GRM1: variants seen among roughly 807,000 people sequenced by gnomAD.
The protein encoded by GRM1 is metabotropic glutamate receptor 1.
A neutral mutation model predicts 90.9 loss-of-function variants in GRM1; 33 were observed. The ratio of observed to expected loss-of-function variants is 0.36; its 90% confidence interval spans 0.28 to 0.49. The LOEUF (loss-of-function observed/expected upper bound fraction) is 0.49. Ranked by LOEUF, GRM1 falls within the 20% of genes least tolerant of loss-of-function variation. The probability of loss-of-function intolerance (pLI) is 0.99; values close to 1 mark genes in which losing one functional copy is unlikely to be tolerated. For missense variants in GRM1, 1,190 were observed against 1,534.3 expected (o/e 0.78, Z 3.75); for synonymous variants, 700 against 613.2 (o/e 1.14, Z -2.09).
At chr6:146,094,385 A>G (rs931798685) in intron 1 of GRM1, among the ~76,000 whole-genome samples, 3 of 152,112 alleles carry the variant, frequency 2.0e-5, no homozygotes, top group Non-Finnish European at 2.9e-5. Flanking sequence ...CTACATTAAC[A>G]TGGAACTGAG....
chr6:146,392,666 C>T (rs1316686173), intron 6 of GRM1, among the ~76,000 whole-genome samples: 1 of 152,140 alleles, frequency 6.6e-6, no homozygotes, highest in East Asian at 1.9e-4. Context: ...GGTATTTCTC[C>T]TAAAGCTATC....
intron 2 of GRM1, among the ~76,000 whole-genome samples, chr6:146,288,603 T>G (rs746433347): frequency 3.3e-5 from 5 of 152,080 alleles, no homozygotes; most frequent in African/African-American, 9.7e-5. Flanking sequence ...CCTCCTGGGT[T>G]CAAGCGATTC....
At chr6:146,421,337 T>C (rs1777984151) in intron 7 of GRM1, among the ~76,000 whole-genome samples, 1 of 152,136 alleles carries the variant, frequency 6.6e-6, no homozygotes, top group Non-Finnish European at 1.5e-5. Context: ...GAACTAGAGT[T>C]ATACTCTAGC....
At chr6:146,133,338 A>G (rs888795003) in intron 1 of GRM1, among the ~76,000 whole-genome samples, 1 of 152,226 alleles carries the variant, frequency 6.6e-6, no homozygotes, top group Non-Finnish European at 1.5e-5. Context: ...AAAACTAATG[A>G]TGACTTAATA....
At chr6:146,104,540 TG>T (rs574981659) in intron 1 of GRM1, among the ~76,000 whole-genome samples, 6 of 151,886 alleles carry the variant, frequency 4.0e-5, no homozygotes, top group Non-Finnish European at 7.4e-5. Flanking sequence ...ATGTTTCATA[TG>T]GGGGGGCATT....
chr6:146,437,185 T>C lies in GRM1; in HGVS notation c.*2389T>C, dbSNP rs1469054507. The C allele has an allele frequency of 6.6e-6, 1 of 152,192 alleles. No homozygotes were observed. Among genetic ancestry groups the C allele is most frequent in the Admixed American group, 6.5e-5 (1 of 15,290 alleles). The allele number at this position is 152,192 out of a possible 1,614,324, so 9.4% of individuals were successfully genotyped here. On this transcript the variant is annotated 3_prime_UTR_variant, in exon 8 of 8. Coordinates refer to ENST00000282753, the MANE Select transcript of GRM1 (RefSeq NM_001278064.2). ...GTGAATCATGCTTATTTTTTACTCT[T>C]AATGCCACTAATATACATCCCTAAT...
chr6:146,151,476 C>A (rs1384835175), intron 1 of GRM1, among the ~76,000 whole-genome samples: 1 of 152,058 alleles, frequency 6.6e-6, no homozygotes, highest in Non-Finnish European at 1.5e-5. Context: ...AATATATCCT[C>A]AATATTTTAG....
At chr6:146,165,641 A>C (rs1777879576) in intron 2 of GRM1, among the ~76,000 whole-genome samples, 1 of 152,176 alleles carries the variant, frequency 6.6e-6, no homozygotes, top group African/African-American at 2.4e-5. Flanking sequence ...CAGACAGGCT[A>C]TACTTTTCTT....
intron 3 of GRM1, among the ~76,000 whole-genome samples, chr6:146,342,820 G>A (rs564297016): frequency 1.3e-5 from 2 of 152,302 alleles, no homozygotes; most frequent in East Asian, 3.9e-4. Context: ...TTAAAGAAAA[G>A]TTGCAAAGAT....
At chr6:146,057,458 A>G (rs1444263967) in intron 1 of GRM1, among the ~76,000 whole-genome samples, 2 of 152,110 alleles carry the variant, frequency 1.3e-5, no homozygotes, top group African/African-American at 4.8e-5. Context: ...TTTATCTTTT[A>G]TAAAGATGCT....
chr6:146,229,851 A>G (rs1583195201), intron 2 of GRM1, among the ~76,000 whole-genome samples: 1 of 152,188 alleles, frequency 6.6e-6, no homozygotes, highest in Non-Finnish European at 1.5e-5. Flanking sequence ...CTCACAACAG[A>G]CCTATAAGAT....
At chr6:146,119,622 G>A (rs973774673) in intron 1 of GRM1, among the ~76,000 whole-genome samples, 1 of 152,156 alleles carries the variant, frequency 6.6e-6, no homozygotes, top group Non-Finnish European at 1.5e-5. Context: ...TTTGTCTAAG[G>A]TGTAAGGAAG....
chr6:146,102,267 T>C, intron 1 of GRM1, among the ~76,000 whole-genome samples: 1 of 152,188 alleles, frequency 6.6e-6, no homozygotes, highest in East Asian at 1.9e-4. Context: ...TCCCACAACA[T>C]AAGCTTTCAC....
chr6:146,222,480 T>A (rs1780099453), intron 2 of GRM1, among the ~76,000 whole-genome samples: 3 of 152,008 alleles, frequency 2.0e-5, no homozygotes, highest in Admixed American at 2.0e-4. Flanking sequence ...GCCAGTGTTA[T>A]AAATTCCAGT....
At chr6:146,160,733 A>G (rs9485049) in intron 2 of GRM1, among the ~76,000 whole-genome samples, 37,731 of 152,036 alleles carry the variant, frequency 0.25, 8,179 homozygotes, top group African/African-American at 0.59. Flanking sequence ...CCATCACCTG[A>G]AATTAGAGGT....
At chr6:146,079,985 A>C (rs1453432189) in intron 1 of GRM1, among the ~76,000 whole-genome samples, 1 of 152,214 alleles carries the variant, frequency 6.6e-6, no homozygotes, top group Non-Finnish European at 1.5e-5. Flanking sequence ...GGCTTTCAGA[A>C]TTCTTCACTA....
chr6:146,405,571 TG>T (rs1439478753), intron 7 of GRM1, among the ~76,000 whole-genome samples: 1 of 152,212 alleles, frequency 6.6e-6, no homozygotes. Context: ...GGTTTGTTTC[TG>T]GTGAAGGCTT....
intron 1 of GRM1, among the ~76,000 whole-genome samples, chr6:146,043,628 A>G (rs1791198126): frequency 1.3e-5 from 2 of 151,598 alleles, no homozygotes; most frequent in South Asian, 4.1e-4. Flanking sequence ...CTTGCCTACC[A>G]GGAAGCTCAA....
chr6:146,170,073 C>A (rs1425373377), intron 2 of GRM1, among the ~76,000 whole-genome samples: 1 of 151,938 alleles, frequency 6.6e-6, no homozygotes, highest in African/African-American at 2.4e-5. Context: ...TTTTTCCCTC[C>A]AGCATGGTGA....
Sources: allele counts gnomAD v4.1 joint callset (sites outside exome capture counted in the v4.1 genomes callset), GRCh38; gene constraint gnomAD v4.1.1; transcripts MANE v1.5; gene names NCBI Gene and HGNC (gene_info 2026-07-23, HGNC 2026-07-21).